TSPEAR: variants seen among roughly 807,000 people sequenced by gnomAD.
TSPEAR encodes the protein thrombospondin-type laminin G domain and EAR repeat-containing protein.
A neutral mutation model predicts 71.6 loss-of-function variants in TSPEAR; 69 were observed. The ratio of observed to expected loss-of-function variants is 0.96; its 90% confidence interval spans 0.79 to 1.18. The LOEUF (loss-of-function observed/expected upper bound fraction) is 1.18, where lower values mean the gene tolerates loss of function less well. Among genes scored for constraint, TSPEAR ranks in the 50% most tolerant of loss-of-function variants. TSPEAR has a pLI of 0.00. For missense variants in TSPEAR, 971 were observed against 894.9 expected (o/e 1.09, Z -1.09); for synonymous variants, 402 against 387.2 (o/e 1.04, Z -0.45).
intron 2 of TSPEAR, chr21:44,558,858 T>G: frequency 8.9e-7 from 1 of 1,126,348 alleles, no homozygotes; most frequent in Non-Finnish European, 1.3e-6. Flanking sequence ...TGCCCCTGCC[T>G]GGCTTCGAGA....
rs201339485 is a variant in TSPEAR, at chr21:44,508,883, G to A, written c.1754+316C>T. Reference sequence around the variant, plus strand: ...TGGGGCCTCGGCTATCCCTCCGCACGACGGGCATGAAGCCCCCTCCTGCCT... The same window carrying A: ...TGGGGCCTCGGCTATCCCTCCGCACAACGGGCATGAAGCCCCCTCCTGCCT... On this transcript the variant is annotated intron_variant, in intron 10 of 11. Coordinates refer to ENST00000323084, the MANE Select transcript of TSPEAR (RefSeq NM_144991.3). The A allele has an allele frequency of 2.1e-4, 309 of 1,451,274 alleles. 1 individual carries two copies. Among genetic ancestry groups the A allele is most frequent in the Admixed American group, 5.7e-4 (31 of 54,500 alleles). 89.9% of individuals were successfully genotyped at this position (1,451,274 alleles called of 1,614,324 possible).
chr21:44,645,457 A>T (rs782444432), intron 1 of TSPEAR, among the ~76,000 whole-genome samples: 35 of 151,942 alleles, frequency 2.3e-4, no homozygotes, highest in Non-Finnish European at 4.7e-4. Flanking sequence ...CCTGGGTTCA[A>T]GAATTCTCCT....
chr21:44,709,394 G>A (rs1362171139), intron 1 of TSPEAR, among the ~76,000 whole-genome samples: 2 of 152,246 alleles, frequency 1.3e-5, no homozygotes, highest in Non-Finnish European at 2.9e-5. Context: ...GCTGCCCACG[G>A]GGCTGGAGCC....
At position 44,592,398 on chromosome 21, in the gene TSPEAR, G is replaced by A. The variant is rs370074505; in HGVS notation, c.83-24393C>T. ...GGCAGTCGTCCACCTGCCAGGAGTC[G>A]GAGCAAGAGTCACAGGAACCAGGAA... On this transcript the variant is annotated intron_variant, in intron 1 of 11. Coordinates refer to ENST00000323084, the MANE Select transcript of TSPEAR (RefSeq NM_144991.3). The A allele has an allele frequency of 1.7e-4, 274 of 1,596,326 alleles. No individual in the cohort carries two copies. In the African/African-American group the frequency reaches 2.4e-3, roughly 14 times the overall value.
In TSPEAR at chr21:44,612,260, C is replaced by T. The variant is rs587600930; in HGVS notation, c.83-44255G>A. 69 of 1,613,524 alleles carry T rather than the reference C, an allele frequency of 4.3e-5. 1 individual carries two copies. Among genetic ancestry groups the T allele is most frequent in the South Asian group, 2.5e-4 (23 of 91,074 alleles). On this transcript the variant is annotated intron_variant, in intron 1 of 11. Transcript: ENST00000323084. This position sits in a 1 kb window ranked among gnomAD's most constrained non-coding sequence, Gnocchi z 4.1. ...TTGCCAGGAAAGCTGCTGCGAGCCC[C>T]GCTCCTGTGCCTCCAGCTGCTGTAC...
chr21:44,640,174 T>C (rs2226688), intron 1 of TSPEAR, among the ~76,000 whole-genome samples: 1 of 152,118 alleles, frequency 6.6e-6, no homozygotes, highest in Admixed American at 6.5e-5. Flanking sequence ...AAACACAGCC[T>C]ATCCACACAA....
intron 1 of TSPEAR, among the ~76,000 whole-genome samples, chr21:44,577,630 TC>T (rs1648631577): frequency 6.6e-6 from 1 of 152,138 alleles, no homozygotes; most frequent in Admixed American, 6.5e-5. Context: ...CCCAATCACC[TC>T]CCACCAGGCC....
At chr21:44,585,657 G>A (rs1440738093) in intron 1 of TSPEAR, among the ~76,000 whole-genome samples, 1 of 152,184 alleles carries the variant, frequency 6.6e-6, no homozygotes, top group East Asian at 1.9e-4. Context: ...TATGAGGACT[G>A]CCATTGAATT....
chr21:44,504,760 C>A lies in TSPEAR; in HGVS notation c.1856+20G>T. The A allele has an allele frequency of 6.3e-7, 1 of 1,594,468 alleles. No homozygotes were observed. Among genetic ancestry groups the A allele is most frequent in the Non-Finnish European group, 8.6e-7 (1 of 1,163,040 alleles). ...GGGAAGCAAGGCTCTGGGAGGAGGC[C>A]GGCCTCGGCAGCTCATTACCTGTAA... On this transcript the variant is annotated intron_variant, in intron 11 of 11. Transcript: ENST00000323084.
intron 1 of TSPEAR, among the ~76,000 whole-genome samples, chr21:44,617,645 G>A (rs59455554): frequency 0.025 from 3,802 of 152,310 alleles, 157 homozygotes; most frequent in African/African-American, 0.086. Context: ...CTTCTTAAGA[G>A]CTATACAATC....
chr21:44,667,766 C>T (rs587746702), intron 1 of TSPEAR, among the ~76,000 whole-genome samples: 2 of 152,178 alleles, frequency 1.3e-5, no homozygotes, highest in Non-Finnish European at 2.9e-5. Context: ...GATGTCAACA[C>T]CAGATCACTT....
chr21:44,680,711 A>G (rs1377094516), intron 1 of TSPEAR, among the ~76,000 whole-genome samples: 1 of 152,244 alleles, frequency 6.6e-6, no homozygotes, highest in African/African-American at 2.4e-5. Flanking sequence ...TTCGGCCATA[A>G]AAAAGAATGA....
At chr21:44,677,078 C>A in intron 1 of TSPEAR, 1 of 727,724 alleles carries the variant, frequency 1.4e-6, no homozygotes, top group East Asian at 2.6e-5. Context: ...TACTGAGATA[C>A]AAGCTTAGAC....
chr21:44,513,602 T>A (rs2052463693), intron 9 of TSPEAR, among the ~76,000 whole-genome samples: 1 of 152,132 alleles, frequency 6.6e-6, no homozygotes, highest in Non-Finnish European at 1.5e-5. Flanking sequence ...GGGATGATGG[T>A]GCTTCCGGGA....
chr21:44,572,532 G>A (rs986871864), intron 1 of TSPEAR, among the ~76,000 whole-genome samples: 6 of 151,926 alleles, frequency 3.9e-5, no homozygotes, highest in Non-Finnish European at 5.9e-5. Flanking sequence ...TGCTACCCTC[G>A]CCACCCCCCA....
rs587749847 is a variant in TSPEAR, at chr21:44,578,947, G to A, written c.83-10942C>T. On this transcript the variant is annotated intron_variant, in intron 1 of 11. Coordinates refer to ENST00000323084, the MANE Select transcript of TSPEAR (RefSeq NM_144991.3). ...AGGGCCTGGGGCAGTGCCAGTTTTG[G>A]GGAATCATGTGCATCCATCCACCCA... Among the ~76,000 whole-genome samples, 28 of 152,298 alleles carry A rather than the reference G, an allele frequency of 1.8e-4. 1 individual carries two copies. The East Asian group carries it at 5.2e-3, about 28-fold the overall frequency.
rs143989078 is a variant in TSPEAR, at chr21:44,695,012, TC to T, written c.82+16420del. ...GGGGGGTCGTGCTTTGCCCCAACCCTCCAGGCCTCTGCCACAGGCTGGAGGA... is the reference window on the plus strand; with the variant it reads ...GGGGGGTCGTGCTTTGCCCCAACCCTCAGGCCTCTGCCACAGGCTGGAGGA... On this transcript the variant is annotated intron_variant, in intron 1 of 11. Coordinates refer to ENST00000323084, the MANE Select transcript of TSPEAR (RefSeq NM_144991.3). This position sits in a 1 kb window ranked among gnomAD's most constrained non-coding sequence, Gnocchi z 4.5. 0.012 allele frequency among the ~76,000 whole-genome samples: 1,798 copies of T among 152,308 alleles called. 45 individuals carry two copies. Among genetic ancestry groups the T allele is most frequent in the African/African-American group, 0.041 (1,715 of 41,580 alleles).
intron 1 of TSPEAR, chr21:44,574,070 C>T (rs782569341): frequency 1.2e-6 from 2 of 1,613,400 alleles, no homozygotes; most frequent in Non-Finnish European, 1.7e-6. Context: ...CCTCCTCCCC[C>T]TGCCAGCAGG....
chr21:44,652,123 A>G (rs1364503110), intron 1 of TSPEAR, among the ~76,000 whole-genome samples: 2 of 151,862 alleles, frequency 1.3e-5, no homozygotes, highest in African/African-American at 4.8e-5. Flanking sequence ...AGCTGGGAGT[A>G]CAGGTGCCTG....
Sources: allele counts gnomAD v4.1 joint callset (sites outside exome capture counted in the v4.1 genomes callset), GRCh38; gene constraint gnomAD v4.1.1; non-coding constraint Gnocchi (gnomAD v3.1); transcripts MANE v1.5; gene names NCBI Gene and HGNC (gene_info 2026-07-23, HGNC 2026-07-21).